EXD1: variants seen among roughly 807,000 people sequenced by gnomAD.
EXD1 encodes piRNA biogenesis protein EXD1.
Under a neutral mutation model 49.1 loss-of-function variants are expected in EXD1, and 63 were observed. The ratio of observed to expected loss-of-function variants is 1.28; its 90% confidence interval spans 1.05 to 1.58. The LOEUF (loss-of-function observed/expected upper bound fraction) is 1.58. Among genes scored for constraint, EXD1 ranks in the 40% most tolerant of loss-of-function variants. The pLI is 0.00. For missense variants in EXD1, 748 were observed against 666.0 expected (o/e 1.12, Z -1.36); for synonymous variants, 234 against 239.2 (o/e 0.98, Z 0.20).
At chr15:41,208,651 C>T (rs1203636980) in intron 7 of EXD1, among the ~76,000 whole-genome samples, 2 of 151,996 alleles carry the variant, frequency 1.3e-5, no homozygotes, top group Non-Finnish European at 2.9e-5. Context: ...ACCCAGGAGG[C>T]TGAGGCAGGA....
intron 9 of EXD1, among the ~76,000 whole-genome samples, chr15:41,193,079 C>G (rs771048169): frequency 2.0e-5 from 3 of 151,992 alleles, no homozygotes; most frequent in Non-Finnish European, 4.4e-5. Context: ...CCACCGCGCC[C>G]GGCCTCTTAA....
At chr15:41,206,618 C>CTT (rs764744329) in intron 7 of EXD1, among the ~76,000 whole-genome samples, 1,170 of 101,148 alleles carry the variant, frequency 0.012, 35 homozygotes, top group African/African-American at 0.022. Flanking sequence ...TTATTCAATT[C>CTT]TTTTTTTTTT....
intron 7 of EXD1, among the ~76,000 whole-genome samples, chr15:41,200,910 T>G (rs1377443449): frequency 1.3e-5 from 2 of 151,924 alleles, no homozygotes; most frequent in East Asian, 3.9e-4. Context: ...AGTCTTGCTC[T>G]GTCGCCAGGC....
At chr15:41,206,665 A>T (rs1328338533) in intron 7 of EXD1, among the ~76,000 whole-genome samples, 56 of 111,804 alleles carry the variant, frequency 5.0e-4, no homozygotes, top group Admixed American at 2.6e-4. Flanking sequence ...TTTGTTGCCC[A>T]GGTTGGAGTG....
chr15:41,213,205 A>G (rs2140886237), intron 6 of EXD1, among the ~76,000 whole-genome samples: 1 of 143,338 alleles, frequency 7.0e-6, no homozygotes, highest in African/African-American at 2.9e-5. Context: ...ACTTGTTTTT[A>G]TTTTTATTTT....
At chr15:41,192,702 T>C (rs186386198) in intron 9 of EXD1, among the ~76,000 whole-genome samples, 1 of 141,086 alleles carries the variant, frequency 7.1e-6, no homozygotes, top group East Asian at 2.3e-4. Flanking sequence ...GCAGCCTCAA[T>C]CTTCCAAGTT....
intron 6 of EXD1, among the ~76,000 whole-genome samples, chr15:41,210,560 C>T (rs2046906283): frequency 6.6e-6 from 1 of 152,090 alleles, no homozygotes; most frequent in South Asian, 2.1e-4. Flanking sequence ...TGGTGCACAC[C>T]TGCAGTGTAG....
intron 7 of EXD1, among the ~76,000 whole-genome samples, chr15:41,197,438 T>C (rs1052105298): frequency 2.6e-5 from 4 of 151,302 alleles, no homozygotes; most frequent in Non-Finnish European, 4.4e-5. Flanking sequence ...GGTTTCACTA[T>C]GTTAGCCAGG....
At chr15:41,227,675 C>CAA (rs56794638) in intron 1 of EXD1, among the ~76,000 whole-genome samples, 49 of 92,042 alleles carry the variant, frequency 5.3e-4, no homozygotes, top group African/African-American at 1.3e-3. Flanking sequence ...AACACTGTCT[C>CAA]AAAAAAAAAA....
chr15:41,218,798 G>T (rs769703467), intron 3 of EXD1, among the ~76,000 whole-genome samples: 37 of 152,212 alleles, frequency 2.4e-4, no homozygotes, highest in Non-Finnish European at 4.1e-4. Flanking sequence ...TACTCAATGA[G>T]AAAGAAATAT....
chr15:41,187,853 T>C (rs545075634), intron 11 of EXD1, among the ~76,000 whole-genome samples: 11 of 151,866 alleles, frequency 7.2e-5, no homozygotes, highest in Admixed American at 2.6e-4. Flanking sequence ...CCGTCTCTAC[T>C]AAAAATACAA....
At chr15:41,201,648 C>G (rs2046730759) in intron 7 of EXD1, among the ~76,000 whole-genome samples, 2 of 151,766 alleles carry the variant, frequency 1.3e-5, no homozygotes, top group South Asian at 4.2e-4. Context: ...CACCACCATG[C>G]CTGGTTATTT....
rs993776743 is a variant in EXD1, at chr15:41,230,569, T to C, written c.-144A>G. 41 of 1,613,480 alleles carry C rather than the reference T, an allele frequency of 2.5e-5. No homozygotes were observed. The highest frequency in any genetic ancestry group is 3.4e-5 in the Non-Finnish European group (40 of 1,179,634). On this transcript the variant is annotated 5_prime_UTR_variant, in exon 1 of 12. Coordinates refer to ENST00000458580, the MANE Select transcript of EXD1 (RefSeq NM_001286441.2). The stretch of plus-strand genomic sequence containing the variant: ...CTGGATCCTAATTTCAGCCAAGTGG[T>C]GCGTTCCTCGAACTTCAGTCTAGAA...
chr15:41,215,530 C>CA (rs2046986668), intron 6 of EXD1, among the ~76,000 whole-genome samples: 1 of 151,770 alleles, frequency 6.6e-6, no homozygotes, highest in African/African-American at 2.4e-5. Context: ...ACTAAAAATA[C>CA]AAAAAATTAG....
chr15:41,230,685 G>C lies in EXD1; in HGVS notation c.-260C>G, dbSNP rs967087353. On this transcript the variant is annotated 5_prime_UTR_variant, in exon 1 of 12. Coordinates refer to ENST00000458580, the MANE Select transcript of EXD1 (RefSeq NM_001286441.2). ...TATCAAATCACAGGCTGAAAACCTG[G>C]AGAAAGGTCCGCGACGCCGGGGACA... 1.1e-6 allele frequency: 1 copy of C among 893,728 alleles called. No homozygotes were observed. The highest frequency in any genetic ancestry group is 1.7e-5 in the African/African-American group (1 of 58,868). 55.4% of individuals were successfully genotyped at this position (893,728 alleles called of 1,614,324 possible). A position where few individuals can be genotyped will look rare whatever the true frequency, so the allele number is the denominator to read the frequency against.
At chr15:41,186,598 C>T (rs1030489279) in intron 11 of EXD1, among the ~76,000 whole-genome samples, 2 of 151,108 alleles carry the variant, frequency 1.3e-5, no homozygotes, top group African/African-American at 2.4e-5. Context: ...ATAGCATTTA[C>T]GTTGTATTAG....
chr15:41,224,548 C>T (rs2047133872), intron 2 of EXD1, among the ~76,000 whole-genome samples: 1 of 151,870 alleles, frequency 6.6e-6, no homozygotes, highest in Non-Finnish European at 1.5e-5. Context: ...GGTAGCACAA[C>T]CAAAGATGAC....
At position 41,184,008 on chromosome 15, in the gene EXD1, C is replaced by T. The variant is rs1290426241; in HGVS notation, c.1642G>A (p.Val548Met). Residue 548 changes from valine (V) to methionine (M), a missense_variant, in exon 12 of 12, where the codon GTG (valine) becomes ATG (methionine). Physicochemically the swap from Val to Met is conservative, Grantham distance 21. Transcript: ENST00000458580. ...SDTFYPIRKT[V>M]VSTLPPCPAL... ...GGACAGGGAGGGAGTGTGGAAACCA[C>T]AGTCTTTCTGATAGGATAAAAAGTG... 4 of 1,614,108 alleles carry T rather than the reference C, an allele frequency of 2.5e-6. No homozygotes were observed. The South Asian group carries it at 4.4e-5, about 18-fold the overall frequency.
At chr15:41,212,811 G>T (rs1240027699) in intron 6 of EXD1, among the ~76,000 whole-genome samples, 1 of 152,210 alleles carries the variant, frequency 6.6e-6, no homozygotes, top group Non-Finnish European at 1.5e-5. Flanking sequence ...AGCCGAGGCA[G>T]GTGGATTGCT....
Sources: allele counts gnomAD v4.1 joint callset (sites outside exome capture counted in the v4.1 genomes callset), GRCh38; gene constraint gnomAD v4.1.1; transcripts MANE v1.5; gene names NCBI Gene and HGNC (gene_info 2026-07-23, HGNC 2026-07-21).